ANKRD30B: variants seen among roughly 807,000 people sequenced by gnomAD.
ANKRD30B encodes the protein ankyrin repeat domain 30B.
In ANKRD30B, 144 loss-of-function variants were observed where a neutral mutation model predicts 202.2. The observed-to-expected ratio is 0.71, with a 90% CI of 0.62 to 0.82. The LOEUF is 0.82. Ranked by LOEUF, ANKRD30B falls within the 40% of genes least tolerant of loss-of-function variation. ANKRD30B has a pLI of 0.00. For missense variants in ANKRD30B, 1,487 were observed against 1,669.1 expected (o/e 0.89, Z 1.90); for synonymous variants, 508 against 561.3 (o/e 0.91, Z 1.34).
the ANKRD30B span, among the ~76,000 whole-genome samples, chr18:14,907,515 C>T: frequency 7.4e-4 from 113 of 152,260 alleles, no homozygotes; most frequent in South Asian, 1.9e-3. Flanking sequence ...GGCGTAGGAG[C>T]GGCTTAACAG....
the ANKRD30B span, among the ~76,000 whole-genome samples, chr18:14,940,577 G>A: frequency 6.6e-6 from 1 of 152,172 alleles, no homozygotes; most frequent in African/African-American, 2.4e-5. Context: ...GAACAGCCTT[G>A]GGTTGAACTT....
At chr18:14,837,780 A>AT (rs1971241688) in intron 36 of ANKRD30B, 104 bp downstream of exon 36, 2 of 1,259,352 alleles carry the variant, frequency 1.6e-6, no homozygotes, top group African/African-American at 1.6e-5. Context: ...GATTATGTCC[A>AT]TAAGGCGGGT....
chr18:14,795,235 CA>C (rs1176243856), intron 16 of ANKRD30B, among the ~76,000 whole-genome samples: 3 of 152,226 alleles, frequency 2.0e-5, no homozygotes, highest in African/African-American at 7.2e-5. Flanking sequence ...CTCGCTCTGT[CA>C]TCCAGGCTGG....
the ANKRD30B span, among the ~76,000 whole-genome samples, chr18:14,860,662 G>A: frequency 1.3e-5 from 2 of 151,488 alleles, no homozygotes; most frequent in Non-Finnish European, 2.9e-5. Flanking sequence ...AGAAAAGATT[G>A]GGGCCTAGCG....
intron 9 of ANKRD30B, among the ~76,000 whole-genome samples, chr18:14,776,047 G>C (rs1967329986): frequency 6.6e-6 from 1 of 152,176 alleles, no homozygotes; most frequent in Non-Finnish European, 1.5e-5. Flanking sequence ...AAGCAGTATT[G>C]TTAGCACAAG....
chr18:14,794,744 G>C (rs34564801), intron 16 of ANKRD30B, among the ~76,000 whole-genome samples: 2 of 152,210 alleles, frequency 1.3e-5, no homozygotes, highest in South Asian at 4.2e-4. Flanking sequence ...AAATCGCTTG[G>C]ACATAAATTG....
the ANKRD30B span, among the ~76,000 whole-genome samples, chr18:14,913,560 A>T: frequency 6.6e-6 from 1 of 152,256 alleles, no homozygotes; most frequent in South Asian, 2.1e-4. Context: ...GATCTGCGCT[A>T]TTCAAGAGCA....
At chr18:14,873,933 G>T in the ANKRD30B span, among the ~76,000 whole-genome samples, 4 of 152,238 alleles carry the variant, frequency 2.6e-5, no homozygotes, top group Non-Finnish European at 5.9e-5. Flanking sequence ...GCCAGCACTT[G>T]TTTTCTCCTG....
chr18:14,777,123 T>C (rs975827376), intron 9 of ANKRD30B, among the ~76,000 whole-genome samples: 1 of 152,128 alleles, frequency 6.6e-6, no homozygotes, highest in Non-Finnish European at 1.5e-5. Flanking sequence ...ACGAGTGAAT[T>C]TTTTATGAAT....
At chr18:14,794,222 C>CTT (rs1968723245) in intron 16 of ANKRD30B, among the ~76,000 whole-genome samples, 1 of 151,740 alleles carries the variant, frequency 6.6e-6, no homozygotes. Flanking sequence ...TATTTCCCTG[C>CTT]TTGCTTCCTC....
the ANKRD30B span, among the ~76,000 whole-genome samples, chr18:14,880,768 C>G: frequency 6.6e-6 from 1 of 152,084 alleles, no homozygotes; most frequent in Non-Finnish European, 1.5e-5. Flanking sequence ...TTGTAATTTT[C>G]ACTGTAGAGG....
At chr18:14,907,160 T>C in the ANKRD30B span, among the ~76,000 whole-genome samples, 1,098 of 152,202 alleles carry the variant, frequency 7.2e-3, 12 homozygotes, top group Middle Eastern at 0.031. Context: ...CTGGAGAGTA[T>C]AATGAGGCAG....
At chr18:14,810,051 A>G (rs1598657057) in intron 27 of ANKRD30B, 37 bp downstream of exon 27, 3 of 1,459,248 alleles carry the variant, frequency 2.1e-6, no homozygotes, top group East Asian at 4.6e-5. Context: ...AATATTACCT[A>G]CATATTTTAT....
chr18:14,824,009 C>T (rs1970563846), intron 32 of ANKRD30B, among the ~76,000 whole-genome samples: 1 of 152,170 alleles, frequency 6.6e-6, no homozygotes. Context: ...CCCAGAAATT[C>T]ACCACATATG....
At chr18:14,887,118 G>T in the ANKRD30B span, among the ~76,000 whole-genome samples, 1 of 152,084 alleles carries the variant, frequency 6.6e-6, no homozygotes, top group South Asian at 2.1e-4. Flanking sequence ...TTAGATAAAT[G>T]TTGACCTCCC....
At chr18:14,878,869 G>A in the ANKRD30B span, among the ~76,000 whole-genome samples, 1 of 152,186 alleles carries the variant, frequency 6.6e-6, no homozygotes, top group Non-Finnish European at 1.5e-5. Flanking sequence ...GCAATGCCCA[G>A]CAATAGAGGG....
intron 16 of ANKRD30B, 135 bp downstream of exon 16, chr18:14,791,626 A>T: frequency 1.5e-6 from 1 of 678,890 alleles, no homozygotes; most frequent in Non-Finnish European, 2.4e-6. Flanking sequence ...TGAAACGGTG[A>T]TAAGTTATAC....
chr18:14,807,909 G>C (rs939264269), intron 24 of ANKRD30B, among the ~76,000 whole-genome samples: 1 of 150,738 alleles, frequency 6.6e-6, no homozygotes, highest in Non-Finnish European at 1.5e-5. Context: ...CTAAACCAGA[G>C]AACCCCATAA....
At chr18:14,935,807 A>G in the ANKRD30B span, among the ~76,000 whole-genome samples, 1 of 152,140 alleles carries the variant, frequency 6.6e-6, no homozygotes. Context: ...ACTGCCTTTT[A>G]TGTATTTTGG....
Sources: gnomAD v4.1 joint callset for allele counts (sites outside exome capture counted in the v4.1 genomes callset) on GRCh38, gnomAD v4.1.1 for gene constraint, MANE v1.5 for transcripts, NCBI Gene and HGNC (gene_info 2026-07-23, HGNC 2026-07-21) for gene names.